Variants in RAPGEF3 observed in about 807,000 individuals in gnomAD.
RAPGEF3 encodes the protein 9330170P05Rik.
Under a neutral mutation model 129.8 loss-of-function variants are expected in RAPGEF3, and 103 were observed. The observed-to-expected ratio is 0.79, with a 90% CI of 0.68 to 0.93. The LOEUF is 0.93. Among genes scored for constraint, RAPGEF3 ranks in the 40% least tolerant of loss-of-function variants. The pLI, the probability that RAPGEF3 is intolerant of heterozygous loss-of-function variation, is 0.00. For missense variants in RAPGEF3, 1,117 were observed against 1,207.4 expected, an observed-to-expected ratio of 0.93 and a Z score of 1.11; for synonymous variants, 436 against 482.6, an observed-to-expected ratio of 0.90 and a Z score of 1.26.
intron 2 of RAPGEF3, among the ~76,000 whole-genome samples, chr12:47,757,584 G>A (rs948849035): frequency 3.3e-5 from 5 of 152,108 alleles, no homozygotes; most frequent in African/African-American, 9.7e-5. Flanking sequence ...ACTCAATGCC[G>A]GCTCACTGAG....
intron 23 of RAPGEF3, chr12:47,739,574 G>T (rs906466255): frequency 2.1e-6 from 1 of 482,876 alleles, no homozygotes; most frequent in African/African-American, 2.0e-5. Flanking sequence ...TGAGCCCCAC[G>T]AGGTGGATTT....
In RAPGEF3 at chr12:47,740,803, C is replaced by A. The variant is rs771437295; in HGVS notation, c.2070G>T (p.Val690=). ...CATCCCGCAGATGCTGGGGGCCCAG[C>A]ACATAGTGGATCAGCTCCACCTGGG... is the stretch of plus-strand genomic sequence containing the variant. ...SIHQVELIHY[V]LGPQHLRDVT... is the part of the protein sequence containing the mutation. Residue 690 remains valine, a synonymous_variant, in exon 21 of 28, where the codon GTG becomes GTT. Coordinates refer to ENST00000449771, the MANE Select transcript of RAPGEF3 (RefSeq NM_001098531.4). 1.2e-6 allele frequency: 2 copies of A among 1,613,966 alleles called. No individual in the cohort carries two copies. Among genetic ancestry groups the A allele is most frequent in the South Asian group, 2.2e-5 (2 of 91,076 alleles).
chr12:47,748,975 G>C (rs1159548868), intron 10 of RAPGEF3, 44 bp from the exon 11 acceptor site: 1 of 1,469,376 alleles, frequency 6.8e-7, no homozygotes, highest in Admixed American at 1.7e-5. Flanking sequence ...TGATGTTCCA[G>C]CTTTAGACCC....
At chr12:47,752,022 T>C (rs1247517781) in intron 2 of RAPGEF3, 53 bp from the exon 3 acceptor site, 3 of 1,582,290 alleles carry the variant, frequency 1.9e-6, no homozygotes, top group Admixed American at 1.7e-5. Context: ...CAAGCCCAGC[T>C]CTTGGATACC....
intron 17 of RAPGEF3, 151 bp from the exon 18 acceptor site, chr12:47,743,827 G>A (rs1490704526): frequency 7.3e-7 from 1 of 1,364,350 alleles, no homozygotes; most frequent in Admixed American, 2.0e-5. Flanking sequence ...GCAGGTAGGA[G>A]GCAGATCTAG....
In RAPGEF3 at chr12:47,751,703, G is replaced by A. The variant is rs201093986; in HGVS notation, c.380+20C>T. On this transcript the variant is annotated intron_variant, in intron 4 of 27. Coordinates refer to ENST00000449771, the MANE Select transcript of RAPGEF3 (RefSeq NM_001098531.4). ...GAAAGCAGTGAGGCTGGGCAAGGAG[G>A]CAGCAGGGCCTCCACTCACCGATAG... 1.2e-6 allele frequency: 2 copies of A among 1,610,124 alleles called. No individual in the cohort carries two copies. Among genetic ancestry groups the A allele is most frequent in the Admixed American group, 1.7e-5 (1 of 60,014 alleles).
At chr12:47,746,837 A>T in intron 16 of RAPGEF3, 23 bp downstream of exon 16, 1 of 1,582,326 alleles carries the variant, frequency 6.3e-7, no homozygotes, top group Non-Finnish European at 8.6e-7. Context: ...AGCAGAGGAA[A>T]GAAACTGGGG....
intron 23 of RAPGEF3, 65 bp downstream of exon 23, chr12:47,740,076 C>T: frequency 1.3e-6 from 2 of 1,539,990 alleles, no homozygotes; most frequent in Non-Finnish European, 1.8e-6. Context: ...GTGAGGGTGT[C>T]TGGAGGGCAG....
At position 47,749,903 on chromosome 12, in the gene RAPGEF3, T is replaced by C; in HGVS notation, c.817+27A>G. On this transcript the variant is annotated intron_variant, in intron 8 of 27. Transcript: ENST00000449771. The surrounding 1 kb of genome is among the most constrained non-coding windows in gnomAD (Gnocchi z 4.5). ...TCTGCCCATGTCCAGGCCCTGTGCC[T>C]GGCTTCTTATGCCCTGCTGGACTTA... 6.2e-7 allele frequency: 1 copy of C among 1,614,236 alleles called. No individual in the cohort carries two copies. Among genetic ancestry groups the C allele is most frequent in the East Asian group, 2.2e-5 (1 of 44,890 alleles).
intron 2 of RAPGEF3, among the ~76,000 whole-genome samples, chr12:47,757,518 A>C (rs2136826852): frequency 6.6e-6 from 1 of 152,162 alleles, no homozygotes; most frequent in South Asian, 2.1e-4. Flanking sequence ...ACTCCAACCC[A>C]TTGACCCGGC....
intron 18 of RAPGEF3, 42 bp from the exon 19 acceptor site, chr12:47,741,644 G>T: frequency 5.0e-6 from 7 of 1,409,492 alleles, no homozygotes; most frequent in African/African-American, 1.4e-5. Flanking sequence ...GGAAGGGAGG[G>T]AGGCCGGGGA....
chr12:47,738,259 A>G lies in RAPGEF3; in HGVS notation c.2527-12T>C. 6.2e-7 allele frequency: 1 copy of G among 1,612,784 alleles called. No individual in the cohort carries two copies. Among genetic ancestry groups the G allele is most frequent in the Non-Finnish European group, 8.5e-7 (1 of 1,179,872 alleles). On this transcript the variant is annotated splice_polypyrimidine_tract_variant and intron_variant, in intron 25 of 27. Transcript: ENST00000449771. ...CTGGCCATCATTCTCTGCGGACAAC[A>G]CCGGGGCATAAGCTCTTGCCTGAGG... is the stretch of plus-strand genomic sequence containing the variant.
At chr12:47,750,520 C>A in intron 6 of RAPGEF3, 95 bp from the exon 7 acceptor site, 1 of 1,136,164 alleles carries the variant, frequency 8.8e-7, no homozygotes, top group Non-Finnish European at 1.3e-6. Context: ...CTGTGCCAGA[C>A]GGTGCCTCAG....
In RAPGEF3 at chr12:47,738,752, T is replaced by C. The variant is rs2136730165; in HGVS notation, c.2464A>G (p.Met822Val). The C allele has an allele frequency of 1.2e-6, 2 of 1,608,656 alleles. No homozygotes were observed. The highest frequency in any genetic ancestry group is 1.1e-5 in the South Asian group (1 of 90,978). ...TGGTTTCCCTCATGAATGAAGGTCA[T>C]GTCTGCAAAGAGATGGGTTTTGTTC... ...IPFMPLLLKD[M>V]TFIHEGNHTL... The change falls in exon 25 of 28, where the codon ATG becomes GTG. Residue 822 changes from methionine (M) to valine (V), a missense_variant and splice_region_variant. By Grantham distance (21) the Met-to-Val change is conservative. Coordinates refer to ENST00000449771, the MANE Select transcript of RAPGEF3 (RefSeq NM_001098531.4).
intron 24 of RAPGEF3, 50 bp from the exon 25 acceptor site, chr12:47,738,804 G>A: frequency 6.6e-7 from 1 of 1,509,166 alleles, no homozygotes; most frequent in Non-Finnish European, 9.2e-7. Flanking sequence ...CTGCCCTCCT[G>A]TAGCCCAGAA....
At chr12:47,746,931 C>T in intron 15 of RAPGEF3, 32 bp from the exon 16 acceptor site, 2 of 1,593,858 alleles carry the variant, frequency 1.3e-6, no homozygotes, top group South Asian at 2.3e-5. Flanking sequence ...GGTGAGTGAG[C>T]CCAGGTATCC....
chr12:47,740,866 G>A, intron 20 of RAPGEF3, 43 bp from the exon 21 acceptor site: 1 of 1,613,508 alleles, frequency 6.2e-7, no homozygotes, highest in Non-Finnish European at 8.5e-7. Context: ...GCTGAGCCGA[G>A]CCGGGCGCCC....
rs1565762125 is a variant in RAPGEF3 at position 47,749,951 on chromosome 12, G to GT, written c.795dup (p.His266ThrfsTer41). On this transcript the variant is annotated frameshift_variant, in exon 8 of 28. Coordinates refer to ENST00000449771, the MANE Select transcript of RAPGEF3 (RefSeq NM_001098531.4). LOFTEE classifies it high-confidence loss of function. The surrounding 1 kb of genome is among the most constrained non-coding windows in gnomAD (Gnocchi z 4.5). Reference sequence around the variant, plus strand: ...TTACACACGGTCCCTGCCTTGCTGTGTGGTTCAAAGAGCAGAACAGCCGCT... The same window carrying GT: ...TTACACACGGTCCCTGCCTTGCTGTGTTGGTTCAAAGAGCAGAACAGCCGCT... 1.2e-6 allele frequency: 2 copies of GT among 1,614,260 alleles called. No homozygotes were observed. The highest frequency in any genetic ancestry group is 2.2e-5 in the South Asian group (2 of 91,088).
chr12:47,751,226 A>G lies in RAPGEF3; in HGVS notation c.503-10T>C. 1 of 1,548,892 alleles carries G rather than the reference A, an allele frequency of 6.5e-7. No individual in the cohort carries two copies. Among genetic ancestry groups the G allele is most frequent in the South Asian group, 1.2e-5 (1 of 84,150 alleles). On this transcript the variant is annotated splice_polypyrimidine_tract_variant and intron_variant, in intron 5 of 27. Transcript: ENST00000449771. ...GCCCAGTCGTGTTTCACTGGGGGGC[A>G]GAGGCCCAGGCGTGGGGGAGGAGAG...
Sources: allele counts gnomAD v4.1 joint callset (sites outside exome capture counted in the v4.1 genomes callset), GRCh38; gene constraint gnomAD v4.1.1; non-coding constraint Gnocchi (gnomAD v3.1); transcripts MANE v1.5; gene names NCBI Gene and HGNC (gene_info 2026-07-23, HGNC 2026-07-21).